Variants in AIF1L observed in about 807,000 individuals in gnomAD.
The protein encoded by AIF1L is allograft inflammatory factor 1-like.
Under a neutral mutation model 20.7 loss-of-function variants are expected in AIF1L, and 12 were observed. That is an observed-to-expected ratio of 0.58 (90% confidence interval 0.37 to 0.94). The LOEUF (loss-of-function observed/expected upper bound fraction) is 0.94, where lower values mean the gene tolerates loss of function less well. Among genes scored for constraint, AIF1L ranks in the 40% least tolerant of loss-of-function variants. AIF1L has a pLI of 0.01. For missense variants in AIF1L, 173 were observed against 185.3 expected, an observed-to-expected ratio of 0.93 and a Z score of 0.39; for synonymous variants, 76 against 65.1, an observed-to-expected ratio of 1.17 and a Z score of -0.81.
chr9:131,110,679 T>C (rs1830857576), intron 2 of AIF1L, among the ~76,000 whole-genome samples: 1 of 151,622 alleles, frequency 6.6e-6, no homozygotes, highest in South Asian at 2.1e-4. Context: ...AATTTTTGTA[T>C]TTTTATAGAG....
At chr9:131,111,911 T>G (rs1274105580) in intron 3 of AIF1L, 18 of 526,462 alleles carry the variant, frequency 3.4e-5, no homozygotes, top group Non-Finnish European at 4.8e-5. Context: ...GCCCTGCCCC[T>G]CTCTCTCCCC....
At chr9:131,119,966 C>T (rs353514) in intron 5 of AIF1L, among the ~76,000 whole-genome samples, 101,304 of 152,092 alleles carry the variant, frequency 0.67, 35,100 homozygotes, top group Middle Eastern at 0.78. Context: ...AGCCTGGAGT[C>T]GTACCCAGCC....
intron 2 of AIF1L, chr9:131,107,810 A>G (rs1291378598): frequency 2.6e-5 from 4 of 152,134 alleles, no homozygotes; most frequent in Admixed American, 2.6e-4. Flanking sequence ...ATGTCCCTTC[A>G]CTGGGCAGAT....
At chr9:131,119,241 C>T (rs557916804) in intron 5 of AIF1L, among the ~76,000 whole-genome samples, 45 of 152,368 alleles carry the variant, frequency 3.0e-4, no homozygotes, top group African/African-American at 1.1e-3. Flanking sequence ...TGGCTCACGC[C>T]TTTAATCCCA....
chr9:131,101,293 A>G (rs1430130858), intron 2 of AIF1L, among the ~76,000 whole-genome samples: 1 of 152,154 alleles, frequency 6.6e-6, no homozygotes, highest in Non-Finnish European at 1.5e-5. Flanking sequence ...AGGGCACCCC[A>G]GCAGACAGAT....
At chr9:131,106,424 CTAAGGAGCTGGA>C (rs1830750002) in intron 2 of AIF1L, among the ~76,000 whole-genome samples, 1 of 152,156 alleles carries the variant, frequency 6.6e-6, no homozygotes, top group African/African-American at 2.4e-5. Flanking sequence ...GTGACCCATC[CTAAGGAGCTGGA>C]TAAGGGCGAT....
At position 131,120,526 on chromosome 9, in the gene AIF1L, C is replaced by G. The variant is rs1018098580; in HGVS notation, c.*204C>G. The stretch of plus-strand genomic sequence containing the variant: ...GGGAATCCTGAGCCTTGGGTCCCCT[C>G]CCTCTCTTCTTCCCTCCTTCCCCGC... On this transcript the variant is annotated 3_prime_UTR_variant, in exon 6 of 6. Transcript: ENST00000247291. 3.9e-6 allele frequency: 2 copies of G among 517,138 alleles called. No individual in the cohort carries two copies. Among genetic ancestry groups the G allele is most frequent in the South Asian group, 3.1e-5 (1 of 32,350 alleles). The allele number at this position is 517,138 out of a possible 1,614,324, so 32.0% of individuals were successfully genotyped here. A position where few individuals can be genotyped will look rare whatever the true frequency, so the allele number is the denominator to read the frequency against.
At position 131,121,323 on chromosome 9, in the gene AIF1L, C is replaced by A; in HGVS notation, c.*1001C>A. On this transcript the variant is annotated 3_prime_UTR_variant, in exon 6 of 6. Transcript: ENST00000247291. ...CATTCACCAGATATTTATTGACCTG[C>A]TATTATAAGCTTTACATCCTCCCAT... 1 of 557,240 alleles carries A rather than the reference C, an allele frequency of 1.8e-6. No individual in the cohort carries two copies. The highest frequency in any genetic ancestry group is 3.2e-6 in the Non-Finnish European group (1 of 308,980). 34.5% of individuals were successfully genotyped at this position (557,240 alleles called of 1,614,324 possible).
rs983717009 is a variant in AIF1L, at chr9:131,121,479, A to G, written c.*1157A>G. Reference sequence around the variant, plus strand: ...GGACTCGCAGGATTTTAGAACCCTAATGCACCCTGGAGGGTAGCTGGGCCA... The same window carrying G: ...GGACTCGCAGGATTTTAGAACCCTAGTGCACCCTGGAGGGTAGCTGGGCCA... On this transcript the variant is annotated 3_prime_UTR_variant, in exon 6 of 6. Transcript: ENST00000247291. The G allele has an allele frequency of 4.5e-5, 9 of 199,454 alleles. No individual in the cohort carries two copies. Among genetic ancestry groups the G allele is most frequent in the Non-Finnish European group, 8.1e-5 (8 of 98,662 alleles). The allele number at this position is 199,454 out of a possible 1,614,324, so 12.4% of individuals were successfully genotyped here. A position where few individuals can be genotyped will look rare whatever the true frequency, so the allele number is the denominator to read the frequency against.
At chr9:131,107,227 A>C (rs1830774179) in intron 2 of AIF1L, among the ~76,000 whole-genome samples, 1 of 152,224 alleles carries the variant, frequency 6.6e-6, no homozygotes, top group African/African-American at 2.4e-5. Context: ...AGCCCAGGGC[A>C]ATCTTCCCAA....
chr9:131,112,616 G>T (rs1830917646), intron 3 of AIF1L, among the ~76,000 whole-genome samples: 1 of 152,184 alleles, frequency 6.6e-6, no homozygotes, highest in Non-Finnish European at 1.5e-5. Context: ...GGAGGGCGGG[G>T]TTGTTGGCAT....
chr9:131,106,412 A>C, intron 2 of AIF1L: 1 of 688,160 alleles, frequency 1.5e-6, no homozygotes, highest in East Asian at 2.7e-5. Context: ...TCATGTTTGG[A>C]GGTGACCCAT....
intron 2 of AIF1L, among the ~76,000 whole-genome samples, chr9:131,108,882 A>C (rs910042788): frequency 2.1e-4 from 32 of 152,340 alleles, no homozygotes; most frequent in African/African-American, 7.2e-4. Flanking sequence ...CTGAGATCCA[A>C]ACCCAGATTG....
chr9:131,096,666 C>A lies in AIF1L; in HGVS notation c.31+6C>A. On this transcript the variant is annotated splice_donor_region_variant and intron_variant, in intron 1 of 5. Coordinates refer to ENST00000247291, the MANE Select transcript of AIF1L (RefSeq NM_031426.4). ...GCTCAGCAACAGGTTCCAAGGTAGG[C>A]GCCGCCGTCCCCGAGCAGCCACCTG... 6.8e-7 allele frequency: 1 copy of A among 1,477,336 alleles called. No individual in the cohort carries two copies. Among genetic ancestry groups the A allele is most frequent in the Middle Eastern group, 2.2e-4 (1 of 4,460 alleles). 91.5% of individuals were successfully genotyped at this position (1,477,336 alleles called of 1,614,324 possible). A position where few individuals can be genotyped will look rare whatever the true frequency, so the allele number is the denominator to read the frequency against.
intron 2 of AIF1L, among the ~76,000 whole-genome samples, chr9:131,103,663 CAAAA>C (rs1428741237): frequency 3.3e-5 from 5 of 152,144 alleles, no homozygotes; most frequent in African/African-American, 1.2e-4. Context: ...AACAAACAAA[CAAAA>C]AAATTCCTTA....
chr9:131,096,940 C>T, intron 2 of AIF1L, 77 bp downstream of exon 2: 1 of 1,417,354 alleles, frequency 7.1e-7, no homozygotes, highest in Non-Finnish European at 9.3e-7. Context: ...TCCGCGAGGC[C>T]GTGCCCGCCT....
chr9:131,121,329 T>C lies in AIF1L; in HGVS notation c.*1007T>C. On this transcript the variant is annotated 3_prime_UTR_variant, in exon 6 of 6. Coordinates refer to ENST00000247291, the MANE Select transcript of AIF1L (RefSeq NM_031426.4). ...CCAGATATTTATTGACCTGCTATTATAAGCTTTACATCCTCCCATGTTGTC... is the reference window on the plus strand; with the variant it reads ...CCAGATATTTATTGACCTGCTATTACAAGCTTTACATCCTCCCATGTTGTC... 1 of 555,466 alleles carries C rather than the reference T, an allele frequency of 1.8e-6. No homozygotes were observed. The highest frequency in any genetic ancestry group is 2.5e-5 in the South Asian group (1 of 39,768). The allele number at this position is 555,466 out of a possible 1,614,324, so 34.4% of individuals were successfully genotyped here. A position where few individuals can be genotyped will look rare whatever the true frequency, so the allele number is the denominator to read the frequency against.
intron 2 of AIF1L, among the ~76,000 whole-genome samples, chr9:131,099,829 C>T (rs915183895): frequency 1.3e-5 from 2 of 150,782 alleles, no homozygotes; most frequent in African/African-American, 2.4e-5. Context: ...CGGGTTCAAG[C>T]GATTCTCCTG....
chr9:131,109,786 A>G (rs1182455938), intron 2 of AIF1L, among the ~76,000 whole-genome samples: 1 of 152,196 alleles, frequency 6.6e-6, no homozygotes, highest in Non-Finnish European at 1.5e-5. Flanking sequence ...ACCAGGCCAG[A>G]TGAACACCTG....
Sources: gnomAD v4.1 joint callset for allele counts (sites outside exome capture counted in the v4.1 genomes callset) on GRCh38, gnomAD v4.1.1 for gene constraint, MANE v1.5 for transcripts, NCBI Gene and HGNC (gene_info 2026-07-23, HGNC 2026-07-21) for gene names.